The following KCND2 variants were observed in gnomAD, a reference collection of about 807,000 sequenced individuals.
KCND2 encodes A-type voltage-gated potassium channel KCND2.
A neutral mutation model predicts 54.4 loss-of-function variants in KCND2; 16 were observed. The ratio of observed to expected loss-of-function variants is 0.29; its 90% CI spans 0.20 to 0.45. KCND2 has a LOEUF of 0.45. Among genes scored for constraint, KCND2 ranks in the 20% least tolerant of loss-of-function variants. The probability of loss-of-function intolerance (pLI) is 1.00; values close to 1 mark genes in which losing one functional copy is unlikely to be tolerated. For synonymous variants in KCND2, 317 were observed against 310.7 expected (o/e 1.02, Z -0.21); for missense variants, 486 against 824.2 (o/e 0.59, Z 5.02).
At chr7:120,501,346 G>A (rs939389116) in intron 1 of KCND2, among the ~76,000 whole-genome samples, 1 of 152,110 alleles carries the variant, frequency 6.6e-6, no homozygotes, top group African/African-American at 2.4e-5. Flanking sequence ...TATATGACAG[G>A]TCCCTTAAGA....
At chr7:120,546,564 C>A (rs1792044157) in intron 1 of KCND2, among the ~76,000 whole-genome samples, 1 of 151,894 alleles carries the variant, frequency 6.6e-6, no homozygotes, top group Non-Finnish European at 1.5e-5. Context: ...ACACTAGAAA[C>A]CATCAAGTTC....
At chr7:120,510,267 C>T (rs1320302389) in intron 1 of KCND2, among the ~76,000 whole-genome samples, 1 of 152,118 alleles carries the variant, frequency 6.6e-6, no homozygotes, top group Non-Finnish European at 1.5e-5. Context: ...GTTTAACAAA[C>T]TTCTTGGCAT....
intron 1 of KCND2, among the ~76,000 whole-genome samples, chr7:120,609,115 G>A (rs1792919243): frequency 6.6e-6 from 1 of 151,838 alleles, no homozygotes; most frequent in Non-Finnish European, 1.5e-5. Flanking sequence ...ATAATGTTCT[G>A]ATTTTTTTTT....
chr7:120,570,813 A>G (rs1267134810), intron 1 of KCND2, among the ~76,000 whole-genome samples: 3 of 152,184 alleles, frequency 2.0e-5, no homozygotes, highest in Non-Finnish European at 4.4e-5. Flanking sequence ...TCTCACAAAC[A>G]TAACACCACC....
chr7:120,316,305 A>G (rs1364832371), intron 1 of KCND2, among the ~76,000 whole-genome samples: 1 of 152,216 alleles, frequency 6.6e-6, no homozygotes, highest in Non-Finnish European at 1.5e-5. Context: ...TCTACTTCTC[A>G]GAATATTTAG....
chr7:120,503,630 G>C (rs978920389), intron 1 of KCND2, among the ~76,000 whole-genome samples: 1 of 151,852 alleles, frequency 6.6e-6, no homozygotes, highest in African/African-American at 2.4e-5. Flanking sequence ...TTATGAAGAT[G>C]ATGAAAGCTT....
chr7:120,631,852 T>A (rs1279699724), intron 1 of KCND2, among the ~76,000 whole-genome samples: 1 of 152,172 alleles, frequency 6.6e-6, no homozygotes, highest in Non-Finnish European at 1.5e-5. Flanking sequence ...GACTCCATTT[T>A]GAAAGTTTCT....
intron 1 of KCND2, among the ~76,000 whole-genome samples, chr7:120,660,894 CT>C (rs1251837767): frequency 6.6e-6 from 1 of 152,114 alleles, no homozygotes; most frequent in Non-Finnish European, 1.5e-5. Context: ...TTAAATATTA[CT>C]TTCTTTAAGT....
rs531836851 is a variant in KCND2, at chr7:120,492,840, T to G, written c.1115+217093T>G. Reference sequence around the variant, plus strand: ...GCAAAGTTATCTAACACAAAGCTTATTTTATAATCAAGTATTGATGATCAT... The same window carrying G: ...GCAAAGTTATCTAACACAAAGCTTAGTTTATAATCAAGTATTGATGATCAT... On this transcript the variant is annotated intron_variant, in intron 1 of 5. Transcript: ENST00000331113. Among the ~76,000 whole-genome samples, 231 of 152,252 alleles carry G rather than the reference T, an allele frequency of 1.5e-3. 4 individuals carry two copies. Among genetic ancestry groups the G allele is most frequent in the Middle Eastern group, 3.4e-3 (1 of 294 alleles).
chr7:120,433,797 A>G (rs1426805483), intron 1 of KCND2, among the ~76,000 whole-genome samples: 1 of 152,246 alleles, frequency 6.6e-6, no homozygotes, highest in African/African-American at 2.4e-5. Flanking sequence ...AGTTTAAAAT[A>G]TGCAAGAATG....
At chr7:120,708,188 A>T (rs1055306828) in intron 1 of KCND2, among the ~76,000 whole-genome samples, 117 of 152,152 alleles carry the variant, frequency 7.7e-4, no homozygotes, top group African/African-American at 2.6e-3. Flanking sequence ...TGGAAGACAA[A>T]AAAGAAATAC....
chr7:120,476,848 A>G (rs552872383), intron 1 of KCND2, among the ~76,000 whole-genome samples: 1 of 152,332 alleles, frequency 6.6e-6, no homozygotes, highest in Non-Finnish European at 1.5e-5. Flanking sequence ...TATCTAAACT[A>G]TAAGAGGAGC....
intron 1 of KCND2, among the ~76,000 whole-genome samples, chr7:120,365,774 A>C (rs893099426): frequency 2.0e-5 from 3 of 152,160 alleles, no homozygotes; most frequent in African/African-American, 7.2e-5. Context: ...AGCAAAATGT[A>C]CATGTTCTAA....
At chr7:120,398,630 A>G (rs754123369) in intron 1 of KCND2, among the ~76,000 whole-genome samples, 2 of 152,142 alleles carry the variant, frequency 1.3e-5, no homozygotes, top group Non-Finnish European at 2.9e-5. Flanking sequence ...CAATGCAAAC[A>G]GTAAAAGGTG....
At chr7:120,538,693 C>A (rs1362553172) in intron 1 of KCND2, among the ~76,000 whole-genome samples, 1 of 152,054 alleles carries the variant, frequency 6.6e-6, no homozygotes, top group Non-Finnish European at 1.5e-5. Context: ...CCTTCTTCTT[C>A]CCCTGCTAGC....
At chr7:120,306,536 T>G (rs951666618) in intron 1 of KCND2, among the ~76,000 whole-genome samples, 1 of 152,030 alleles carries the variant, frequency 6.6e-6, no homozygotes, top group African/African-American at 2.4e-5. Context: ...TGCAAATAGT[T>G]TAATATAAAT....
At chr7:120,642,571 A>T (rs61686805) in intron 1 of KCND2, among the ~76,000 whole-genome samples, 56,477 of 149,086 alleles carry the variant, frequency 0.38, 12,553 homozygotes, top group African/African-American at 0.6. Flanking sequence ...ATAAAAAATA[A>T]AAAAAAATAT....
chr7:120,386,407 G>A (rs532319151), intron 1 of KCND2, among the ~76,000 whole-genome samples: 12 of 151,998 alleles, frequency 7.9e-5, no homozygotes, highest in East Asian at 3.9e-4. Flanking sequence ...ATGGTGCTTC[G>A]GAGCACAGGA....
chr7:120,281,681 A>G (rs1799266224), intron 1 of KCND2, among the ~76,000 whole-genome samples: 1 of 152,124 alleles, frequency 6.6e-6, no homozygotes. Context: ...AAGGCTTTTG[A>G]GGTTTGAGTG....
Sources: allele counts gnomAD v4.1 joint callset (sites outside exome capture counted in the v4.1 genomes callset), GRCh38; gene constraint gnomAD v4.1.1; transcripts MANE v1.5; gene names NCBI Gene and HGNC (gene_info 2026-07-23, HGNC 2026-07-21).